The following CTSK variants were observed in gnomAD, a reference collection of about 807,000 sequenced individuals.
The protein encoded by CTSK is cathepsin K.
Under a neutral mutation model 40.5 loss-of-function variants are expected in CTSK, and 26 were observed. The ratio of observed to expected loss-of-function variants is 0.64; its 90% confidence interval spans 0.47 to 0.89. CTSK has a LOEUF of 0.89. CTSK is among the 40% of genes least tolerant of loss of function. The pLI, the probability that CTSK is intolerant of heterozygous loss-of-function variation, is 0.00. For synonymous variants in CTSK, 132 were observed against 143.2 expected (o/e 0.92, Z 0.56); for missense variants, 292 against 400.1 (o/e 0.73, Z 2.30).
At chr1:150,799,893 C>T (rs1483011821) in intron 5 of CTSK, among the ~76,000 whole-genome samples, 184 bp from the exon 6 acceptor site, 2 of 152,086 alleles carry the variant, frequency 1.3e-5, no homozygotes, top group African/African-American at 2.4e-5. Flanking sequence ...CCGCCTTCCA[C>T]CACACATAAA....
At chr1:150,796,930 C>T in intron 7 of CTSK, 32 bp from the exon 8 acceptor site, 1 of 1,367,998 alleles carries the variant, frequency 7.3e-7, no homozygotes, top group Non-Finnish European at 1.0e-6. Flanking sequence ...ATACTTAGTA[C>T]TCTCAGTTTA....
chr1:150,797,580 C>G (rs1009633992), intron 7 of CTSK, among the ~76,000 whole-genome samples: 2 of 152,154 alleles, frequency 1.3e-5, no homozygotes, highest in African/African-American at 4.8e-5. Context: ...GACTAGAAGA[C>G]AAGAGAGACG....
At chr1:150,797,791 T>C (rs948491061) in intron 7 of CTSK, among the ~76,000 whole-genome samples, 1 of 152,138 alleles carries the variant, frequency 6.6e-6, no homozygotes, top group Admixed American at 6.5e-5. Flanking sequence ...CCAGCTCTCT[T>C]GGAAGCTATC....
In CTSK at chr1:150,796,498, C is replaced by A. The variant is rs1310654247; in HGVS notation, c.*301G>T. 1.9e-6 allele frequency: 1 copy of A among 518,810 alleles called. No homozygotes were observed. 32.1% of individuals were successfully genotyped at this position (518,810 alleles called of 1,614,324 possible). On this transcript the variant is annotated 3_prime_UTR_variant, in exon 8 of 8. Coordinates refer to ENST00000271651, the MANE Select transcript of CTSK (RefSeq NM_000396.4). Reference sequence around the variant, plus strand: ...CCTATGTGAAAATCTCCAGCCTGTACCTGTACAGCATCAGCCCTGGGACAA... The same window carrying A: ...CCTATGTGAAAATCTCCAGCCTGTAACTGTACAGCATCAGCCCTGGGACAA...
At position 150,806,166 on chromosome 1, in the gene CTSK, T is replaced by C. The variant is rs1301192673; in HGVS notation, c.179A>G (p.His60Arg). The change falls in exon 3 of 8, where the codon CAT becomes CGT. Residue 60 changes from histidine to arginine, a missense_variant. His to Arg is a conservative substitution (Grantham distance 29). Transcript: ENST00000271651. ...GACACCAAGAGAAGCCTCAAGGTTA[T>C]GGATGGAAATATACTTCAGGTTTTT... Reference protein sequence around the residue: ...WEKNLKYISIHNLEASLGVHT... With the variant: ...WEKNLKYISIRNLEASLGVHT... 2 of 1,614,198 alleles carry C rather than the reference T, an allele frequency of 1.2e-6. No individual in the cohort carries two copies. The highest frequency in any genetic ancestry group is 1.1e-5 in the South Asian group (1 of 91,084).
chr1:150,799,992 C>T (rs1653954379), intron 5 of CTSK, among the ~76,000 whole-genome samples: 1 of 151,830 alleles, frequency 6.6e-6, no homozygotes, highest in African/African-American at 2.4e-5. Context: ...GTCAGGAGAT[C>T]GAGACCATCC....
chr1:150,797,472 G>C (rs1198145943), intron 7 of CTSK, among the ~76,000 whole-genome samples: 2 of 152,200 alleles, frequency 1.3e-5, no homozygotes, highest in African/African-American at 2.4e-5. Flanking sequence ...GCATAAGAAA[G>C]AGGCTGAAGC....
chr1:150,798,233 G>C (rs1391121422), intron 7 of CTSK, among the ~76,000 whole-genome samples: 1 of 152,056 alleles, frequency 6.6e-6, no homozygotes, highest in Non-Finnish European at 1.5e-5. Flanking sequence ...TCTAAAAAAT[G>C]TTTCTCTTCA....
At chr1:150,800,275 A>AT (rs1557824900) in intron 5 of CTSK, among the ~76,000 whole-genome samples, 2 of 150,952 alleles carry the variant, frequency 1.3e-5, no homozygotes, top group Non-Finnish European at 3.0e-5. Flanking sequence ...CTGAAATAAG[A>AT]TTTTTTTAAA....
At position 150,799,246 on chromosome 1, in the gene CTSK, C is replaced by T. The variant is rs183135762; in HGVS notation, c.812G>A (p.Ser271Asn). ...CAAAACTGCATGGTTCAGATTATCGCTATTGCAGCTTTCATCATAATACAC... is the reference window on the plus strand; with the variant it reads ...CAAAACTGCATGGTTCAGATTATCGTTATTGCAGCTTTCATCATAATACAC... ...KGVYYDESCN[S>N]DNLNHAVLAV... The change falls in exon 7 of 8, where the codon AGC (serine) becomes AAC (asparagine). Residue 271 changes from serine to asparagine, a missense_variant. Transcript: ENST00000271651. 242 of 1,613,054 alleles carry T rather than the reference C, an allele frequency of 1.5e-4. No individual in the cohort carries two copies. Among genetic ancestry groups the T allele is most frequent in the Middle Eastern group, 3.3e-4 (2 of 6,060 alleles).
At chr1:150,799,379 G>T (rs759096569) in intron 6 of CTSK, 106 bp from the exon 7 acceptor site, 10 of 1,218,854 alleles carry the variant, frequency 8.2e-6, no homozygotes, top group Non-Finnish European at 1.1e-5. Context: ...TGTCAGGAGG[G>T]TTTACCACAG....
In CTSK at chr1:150,804,136, A is replaced by G. The variant is rs1309902734; in HGVS notation, c.503T>C (p.Val168Ala). ...KLLNLSPQNLVDCVSENDGCG... is the reference protein window; with the variant it reads ...KLLNLSPQNLADCVSENDGCG... The stretch of plus-strand genomic sequence containing the variant: ...GCCATCATTCTCAGACACACAATCC[A>G]CTAGGTTCTGGGGACTCAGATTTAA... Residue 168 changes from valine to alanine, a missense_variant, in exon 5 of 8, where the codon GTG (valine) becomes GCG (alanine). Physicochemically the swap from Val to Ala is moderately conservative, Grantham distance 64. Transcript: ENST00000271651. 1 of 1,614,128 alleles carries G rather than the reference A, an allele frequency of 6.2e-7. No homozygotes were observed.
At chr1:150,802,396 C>T (rs978719322) in intron 5 of CTSK, among the ~76,000 whole-genome samples, 2 of 151,306 alleles carry the variant, frequency 1.3e-5, no homozygotes, top group Non-Finnish European at 2.9e-5. Flanking sequence ...GGCAACATAG[C>T]GAGACAATGT....
At chr1:150,800,194 CA>C (rs57369418) in intron 5 of CTSK, among the ~76,000 whole-genome samples, 3 of 71,708 alleles carry the variant, frequency 4.2e-5, no homozygotes, top group African/African-American at 1.8e-4. Flanking sequence ...GACTCCATCT[CA>C]AAAAAAAAAA....
At chr1:150,807,141 T>C (rs1654122176) in intron 1 of CTSK, 5 of 422,846 alleles carry the variant, frequency 1.2e-5, no homozygotes, top group African/African-American at 2.2e-5. Flanking sequence ...CAACCAGAAA[T>C]GGGGGATAGA....
rs373300320 is a variant in CTSK, at chr1:150,806,036, G to T, written c.244-20C>A. 3.1e-6 allele frequency: 5 copies of T among 1,614,096 alleles called. No individual in the cohort carries two copies. In the African/African-American group the frequency reaches 6.7e-5, roughly 22 times the overall value. ...ACTGGTCTAAGACAAAGAAGAAAGA[G>T]GCCAGGCATCAGCAGGGAACTAAAG... On this transcript the variant is annotated intron_variant, in intron 3 of 7. Transcript: ENST00000271651.
At chr1:150,805,001 C>T (rs1654057178) in intron 4 of CTSK, among the ~76,000 whole-genome samples, 2 of 152,014 alleles carry the variant, frequency 1.3e-5, no homozygotes, top group African/African-American at 4.8e-5. Context: ...TGCTTGAGCC[C>T]AGGAATTTGA....
Position 150,799,275 on chromosome 1 carries a change from T to G in CTSK, c.785-2A>C. Reference sequence around the variant, plus strand: ...TGCAGCTTTCATCATAATACACACCTAGAATACAAACTACCAGCGTGAGGC... The same window carrying G: ...TGCAGCTTTCATCATAATACACACCGAGAATACAAACTACCAGCGTGAGGC... On this transcript the variant is annotated splice_acceptor_variant, in intron 6 of 7. Transcript: ENST00000271651. LOFTEE classifies it high-confidence loss of function. 6.3e-7 allele frequency: 1 copy of G among 1,599,868 alleles called. No individual in the cohort carries two copies. The highest frequency in any genetic ancestry group is 1.1e-5 in the South Asian group (1 of 90,766).
intron 7 of CTSK, among the ~76,000 whole-genome samples, 185 bp downstream of exon 7, chr1:150,798,983 G>T (rs1447793194): frequency 6.6e-6 from 1 of 152,110 alleles, no homozygotes; most frequent in Non-Finnish European, 1.5e-5. Flanking sequence ...ATGCAAAATG[G>T]ACTAACACAC....
Sources: gnomAD v4.1 joint callset for allele counts (sites outside exome capture counted in the v4.1 genomes callset) on GRCh38, gnomAD v4.1.1 for gene constraint, MANE v1.5 for transcripts, NCBI Gene and HGNC (gene_info 2026-07-23, HGNC 2026-07-21) for gene names.